Variants in PALS1 observed in about 807,000 individuals in gnomAD.
PALS1 encodes the protein protein PALS1.
A neutral mutation model predicts 78.9 loss-of-function variants in PALS1; 31 were observed. The observed-to-expected ratio is 0.39, with a 90% CI of 0.30 to 0.53. The LOEUF (loss-of-function observed/expected upper bound fraction) is 0.53. Among genes scored for constraint, PALS1 ranks in the 20% least tolerant of loss-of-function variants. The pLI is 0.67. For synonymous variants in PALS1, 276 were observed against 270.9 expected (o/e 1.02, Z -0.18); for missense variants, 704 against 826.5 (o/e 0.85, Z 1.82).
chr14:67,288,083 CT>C (rs926064439), intron 3 of PALS1, among the ~76,000 whole-genome samples: 20 of 150,898 alleles, frequency 1.3e-4, no homozygotes, highest in African/African-American at 4.9e-4. Context: ...TGGGGTCTCC[CT>C]TTTTTTTTCC....
chr14:67,292,485 T>C lies in PALS1; in HGVS notation c.368-26T>C, dbSNP rs559368011. On this transcript the variant is annotated intron_variant, in intron 3 of 14. Coordinates refer to ENST00000261681, the MANE Select transcript of PALS1 (RefSeq NM_022474.4). ...GAATTAATACTGAAACAGTTAATTT[T>C]TGGATACCTTTTCTTCTTCTACTAG... 153 of 1,473,516 alleles carry C rather than the reference T, an allele frequency of 1.0e-4. 5 individuals are homozygous for C. The South Asian group carries it at 1.7e-3, about 16-fold the overall frequency. 91.3% of individuals were successfully genotyped at this position (1,473,516 alleles called of 1,614,324 possible). A position where few individuals can be genotyped will look rare whatever the true frequency, so the allele number is the denominator to read the frequency against.
At chr14:67,315,511 C>T (rs1461040366) in intron 9 of PALS1, among the ~76,000 whole-genome samples, 1 of 151,982 alleles carries the variant, frequency 6.6e-6, no homozygotes, top group African/African-American at 2.4e-5. Flanking sequence ...CTCCTGACCT[C>T]GTGATCTGCC....
chr14:67,326,629 C>G (rs1386870969), intron 14 of PALS1, among the ~76,000 whole-genome samples: 1 of 151,974 alleles, frequency 6.6e-6, no homozygotes, highest in African/African-American at 2.4e-5. Context: ...GAAGTTAATA[C>G]CCCTCCATTC....
intron 5 of PALS1, 37 bp downstream of exon 5, chr14:67,301,503 C>G (rs367753436): frequency 1.4e-6 from 2 of 1,446,968 alleles, no homozygotes; most frequent in Non-Finnish European, 1.9e-6. Flanking sequence ...TGTGGTTTTT[C>G]CAGCATTCTT....
chr14:67,241,495 C>G lies in PALS1; in HGVS notation c.-275C>G, dbSNP rs893975688. The G allele has an allele frequency of 1.3e-5, 2 of 153,094 alleles. No homozygotes were observed. The highest frequency in any genetic ancestry group is 4.8e-5 in the African/African-American group (2 of 41,332). 9.5% of individuals were successfully genotyped at this position (153,094 alleles called of 1,614,324 possible). A position where few individuals can be genotyped will look rare whatever the true frequency, so the allele number is the denominator to read the frequency against. Reference sequence around the variant, plus strand: ...CTGTCGCTTCTGCAGTGCGTAGGAGCGGCCGGGGCGGGAGGCTCCGCGGAG... The same window carrying G: ...CTGTCGCTTCTGCAGTGCGTAGGAGGGGCCGGGGCGGGAGGCTCCGCGGAG... On this transcript the variant is annotated 5_prime_UTR_variant, in exon 1 of 15. Coordinates refer to ENST00000261681, the MANE Select transcript of PALS1 (RefSeq NM_022474.4).
intron 1 of PALS1, among the ~76,000 whole-genome samples, chr14:67,242,542 C>G (rs759382714): frequency 6.6e-6 from 1 of 152,060 alleles, no homozygotes; most frequent in Non-Finnish European, 1.5e-5. Flanking sequence ...GCAATAGGAA[C>G]AAATGACGTG....
At chr14:67,324,500 A>G (rs546522800) in intron 14 of PALS1, among the ~76,000 whole-genome samples, 10 of 152,230 alleles carry the variant, frequency 6.6e-5, no homozygotes, top group South Asian at 2.1e-4. Context: ...TTCATTGACT[A>G]TGCCTTTAAA....
rs889654200 is a variant in PALS1 at position 67,327,208 on chromosome 14, T to G, written c.1851+3396T>G. On this transcript the variant is annotated intron_variant, in intron 14 of 14. Coordinates refer to ENST00000261681, the MANE Select transcript of PALS1 (RefSeq NM_022474.4). The stretch of plus-strand genomic sequence containing the variant: ...AAAATTTTTTTTGAGCTAGTATGAC[T>G]GAAGCTGCTCTAAACATTCATAAAG... Among the ~76,000 whole-genome samples the G allele has an allele frequency of 2.0e-5, 3 of 152,300 alleles. No homozygotes were observed. In the East Asian group the frequency reaches 5.8e-4, roughly 29 times the overall value.
At chr14:67,242,097 A>G (rs2083914968) in intron 1 of PALS1, 1 of 152,238 alleles carries the variant, frequency 6.6e-6, no homozygotes, top group African/African-American at 2.4e-5. Context: ...TTAAGGTTGC[A>G]CGTTGAACTT....
chr14:67,322,649 A>G (rs916359323), intron 13 of PALS1, among the ~76,000 whole-genome samples: 2 of 152,216 alleles, frequency 1.3e-5, no homozygotes, highest in African/African-American at 2.4e-5. Flanking sequence ...TTTTTGATTT[A>G]AGAGAAGTAT....
At chr14:67,287,867 G>A (rs1340879438) in intron 3 of PALS1, among the ~76,000 whole-genome samples, 1 of 152,180 alleles carries the variant, frequency 6.6e-6, no homozygotes, top group Non-Finnish European at 1.5e-5. Flanking sequence ...AATAATGTCA[G>A]TATTTTAGTG....
intron 11 of PALS1, among the ~76,000 whole-genome samples, chr14:67,319,672 C>T (rs74058409): frequency 0.018 from 2,764 of 151,682 alleles, 99 homozygotes; most frequent in African/African-American, 0.063. Flanking sequence ...TTTACAAATT[C>T]GCATTGGGCC....
At chr14:67,331,448 T>G (rs1041569441) in intron 14 of PALS1, among the ~76,000 whole-genome samples, 2 of 152,084 alleles carry the variant, frequency 1.3e-5, no homozygotes, top group African/African-American at 4.8e-5. Context: ...AATGATGGCG[T>G]TACAAAATGT....
chr14:67,265,362 G>A (rs1324605921), intron 1 of PALS1, among the ~76,000 whole-genome samples: 1 of 151,956 alleles, frequency 6.6e-6, no homozygotes, highest in Non-Finnish European at 1.5e-5. Flanking sequence ...TTGAAGACCA[G>A]ACTGGGCAAC....
Position 67,333,810 on chromosome 14 carries a change from T to C in PALS1, c.*854T>C, listed in dbSNP as rs779719077. ...TGGCAGGTGTTCATTATAATCTGTA[T>C]TGACTTAAAAAGTTTCTTCCTCATG... On this transcript the variant is annotated 3_prime_UTR_variant, in exon 15 of 15. Coordinates refer to ENST00000261681, the MANE Select transcript of PALS1 (RefSeq NM_022474.4). The C allele has an allele frequency of 1.4e-5, 2 of 144,400 alleles. No individual in the cohort carries two copies. The highest frequency in any genetic ancestry group is 2.9e-5 in the Non-Finnish European group (2 of 67,942). The allele number at this position is 144,400 out of a possible 1,614,324, so 8.9% of individuals were successfully genotyped here. A position where few individuals can be genotyped will look rare whatever the true frequency, so the allele number is the denominator to read the frequency against.
In PALS1 at chr14:67,279,224, A is replaced by G. The variant is rs777878950; in HGVS notation, c.54A>G (p.Val18=). The change falls in exon 3 of 15, where the codon GTA becomes GTG. Residue 18 remains valine, a synonymous_variant. Coordinates refer to ENST00000261681, the MANE Select transcript of PALS1 (RefSeq NM_022474.4). ...TTACAGAGGAATCAGACAGCGAAGT[A>G]AAAAATGTTGATCTTGCATCACCAG... ...GHVTEESDSE[V]KNVDLASPEE... 1 of 1,612,642 alleles carries G rather than the reference A, an allele frequency of 6.2e-7. No homozygotes were observed. The highest frequency in any genetic ancestry group is 8.5e-7 in the Non-Finnish European group (1 of 1,179,540).
chr14:67,250,469 T>C (rs565481002), intron 1 of PALS1, among the ~76,000 whole-genome samples: 4 of 152,350 alleles, frequency 2.6e-5, no homozygotes, highest in African/African-American at 9.6e-5. Flanking sequence ...CATTGAAAAC[T>C]GTATAAACTC....
chr14:67,291,741 A>C (rs1183634941), intron 3 of PALS1, among the ~76,000 whole-genome samples: 1 of 152,218 alleles, frequency 6.6e-6, no homozygotes, highest in Non-Finnish European at 1.5e-5. Context: ...TAGACCACAA[A>C]AGAAGTGCCT....
intron 1 of PALS1, among the ~76,000 whole-genome samples, chr14:67,264,297 A>G (rs1239338585): frequency 2.6e-5 from 4 of 152,184 alleles, no homozygotes; most frequent in Admixed American, 2.0e-4. Context: ...CATATGTAGC[A>G]CAGTGTTGAG....
Sources: gnomAD v4.1 joint callset for allele counts (sites outside exome capture counted in the v4.1 genomes callset) on GRCh38, gnomAD v4.1.1 for gene constraint, MANE v1.5 for transcripts, NCBI Gene and HGNC (gene_info 2026-07-23, HGNC 2026-07-21) for gene names.